Variants in MGMT observed in about 807,000 individuals in gnomAD.
MGMT encodes the protein O-6-methylguanine-DNA methyltransferase.
Under a neutral mutation model 15.9 loss-of-function variants are expected in MGMT, and 14 were observed. That is an observed-to-expected ratio of 0.88 (90% CI 0.58 to 1.37). The LOEUF is 1.37. Among genes scored for constraint, MGMT ranks in the 40% most tolerant of loss-of-function variants. MGMT has a pLI of 0.00. For synonymous variants in MGMT, 130 were observed against 118.2 expected, an observed-to-expected ratio of 1.10 and a Z score of -0.65; for missense variants, 282 against 268.1, an observed-to-expected ratio of 1.05 and a Z score of -0.36.
At chr10:129,539,245 T>G (rs1846017625) in intron 2 of MGMT, among the ~76,000 whole-genome samples, 1 of 152,250 alleles carries the variant, frequency 6.6e-6, no homozygotes, top group Non-Finnish European at 1.5e-5. Context: ...TGTAGTTTTT[T>G]TTATGTTTAG....
chr10:129,533,023 C>T lies in MGMT; in HGVS notation c.-12-3218C>T, dbSNP rs1845949256. On this transcript the variant is annotated intron_variant, in intron 1 of 4. Coordinates refer to ENST00000651593, the MANE Select transcript of MGMT (RefSeq NM_002412.5). The surrounding 1 kb of genome is among the most constrained non-coding windows in gnomAD (Gnocchi z 4.5). ...CAGGGCTGGGCTCCTGCCTGGGACT[C>T]GAATCGGGAGCAGGTCCCACGGAGG... Among the ~76,000 whole-genome samples, 1 of 152,214 alleles carries T rather than the reference C, an allele frequency of 6.6e-6. No homozygotes were observed. Among genetic ancestry groups the T allele is most frequent in the Non-Finnish European group, 1.5e-5 (1 of 68,034 alleles).
In MGMT at chr10:129,767,254, G is replaced by A; in HGVS notation, c.*257G>A. The A allele has an allele frequency of 2.9e-6, 1 of 344,174 alleles. No homozygotes were observed. Among genetic ancestry groups the A allele is most frequent in the Non-Finnish European group, 5.3e-6 (1 of 189,348 alleles). 21.3% of individuals were successfully genotyped at this position (344,174 alleles called of 1,614,324 possible). A position where few individuals can be genotyped will look rare whatever the true frequency, so the allele number is the denominator to read the frequency against. ...CAGGCCAAGTGAGTGTGGAAGGCCT[G>A]GCTCATGTTGGGCCACAGCCCAGGA... On this transcript the variant is annotated 3_prime_UTR_variant, in exon 5 of 5. Transcript: ENST00000651593.
intron 1 of MGMT, among the ~76,000 whole-genome samples, chr10:129,477,182 T>C (rs1287279511): frequency 6.6e-6 from 1 of 152,186 alleles, no homozygotes; most frequent in Non-Finnish European, 1.5e-5. Flanking sequence ...CATGCTCTGC[T>C]GCCCTCTCTC....
chr10:129,557,458 G>T (rs1324063547), intron 2 of MGMT, among the ~76,000 whole-genome samples: 1 of 152,092 alleles, frequency 6.6e-6, no homozygotes, highest in Non-Finnish European at 1.5e-5. Flanking sequence ...TCATTGTGTT[G>T]CTGCATATAT....
chr10:129,620,804 T>C (rs1286318038), intron 2 of MGMT, among the ~76,000 whole-genome samples: 1 of 152,236 alleles, frequency 6.6e-6, no homozygotes, highest in East Asian at 1.9e-4. Context: ...TACTCATCAA[T>C]AGGTATGGGT....
At chr10:129,527,979 C>A (rs865818590) in intron 1 of MGMT, among the ~76,000 whole-genome samples, 1 of 152,074 alleles carries the variant, frequency 6.6e-6, no homozygotes, top group Non-Finnish European at 1.5e-5. Flanking sequence ...AACACTATCC[C>A]TTCTCTCTCA....
chr10:129,735,429 C>A (rs551636693), intron 3 of MGMT, among the ~76,000 whole-genome samples: 3 of 152,008 alleles, frequency 2.0e-5, no homozygotes, highest in Non-Finnish European at 2.9e-5. Flanking sequence ...TTTTTTATTG[C>A]GTCTATTTGA....
At chr10:129,760,991 C>T (rs559355774) in intron 4 of MGMT, among the ~76,000 whole-genome samples, 46 of 152,252 alleles carry the variant, frequency 3.0e-4, no homozygotes, top group African/African-American at 1.0e-3. Context: ...GGGATATTTC[C>T]GAATCAAATT....
intron 3 of MGMT, among the ~76,000 whole-genome samples, chr10:129,724,759 T>G (rs1383905435): frequency 6.6e-6 from 1 of 152,248 alleles, no homozygotes; most frequent in Non-Finnish European, 1.5e-5. Context: ...GGTATAAAGC[T>G]ATTCATTGTA....
chr10:129,528,954 G>A (rs1009508669), intron 1 of MGMT, among the ~76,000 whole-genome samples: 2 of 152,214 alleles, frequency 1.3e-5, no homozygotes, highest in Admixed American at 6.5e-5. Context: ...CAACAAGTAA[G>A]CAAATCACGT....
chr10:129,703,353 G>C (rs563869639), intron 2 of MGMT, among the ~76,000 whole-genome samples: 1 of 152,172 alleles, frequency 6.6e-6, no homozygotes, highest in African/African-American at 2.4e-5. Flanking sequence ...GGACGCCCGC[G>C]TGGGCAGAGG....
At position 129,646,748 on chromosome 10, in the gene MGMT, A is replaced by AT. The variant is rs1229950159; in HGVS notation, c.126-61146dup. On this transcript the variant is annotated intron_variant, in intron 2 of 4. Transcript: ENST00000651593. ...TATATATATATATATATATATATATATATATATTTTCAGGGAATGGTAGAG... is the reference window on the plus strand; with the variant it reads ...TATATATATATATATATATATATATATTATATATTTTCAGGGAATGGTAGAG... Among the ~76,000 whole-genome samples, 31 of 63,640 alleles carry AT rather than the reference A, an allele frequency of 4.9e-4. 1 individual carries two copies. The highest frequency in any genetic ancestry group is 1.0e-3 in the Non-Finnish European group (29 of 28,254). The allele number at this position is 63,640 out of a possible 152,430, so 41.8% of individuals were successfully genotyped here.
At chr10:129,619,722 C>T (rs1250351956) in intron 2 of MGMT, among the ~76,000 whole-genome samples, 1 of 152,048 alleles carries the variant, frequency 6.6e-6, no homozygotes, top group African/African-American at 2.4e-5. Flanking sequence ...TTTGTTTTAT[C>T]TAAGTGGTTG....
chr10:129,708,796 T>C (rs1848197909), intron 3 of MGMT, among the ~76,000 whole-genome samples: 1 of 152,216 alleles, frequency 6.6e-6, no homozygotes, highest in African/African-American at 2.4e-5. Context: ...CACTTATATA[T>C]CCTTAAAGGG....
At chr10:129,577,447 A>G (rs556794826) in intron 2 of MGMT, among the ~76,000 whole-genome samples, 3 of 152,372 alleles carry the variant, frequency 2.0e-5, no homozygotes, top group East Asian at 1.9e-4. Flanking sequence ...AGGATTCCTT[A>G]TTTAATAAAT....
chr10:129,485,672 C>T (rs1845400994), intron 1 of MGMT, among the ~76,000 whole-genome samples: 1 of 152,180 alleles, frequency 6.6e-6, no homozygotes, highest in East Asian at 1.9e-4. Flanking sequence ...AAATCTAAAA[C>T]CTGAAGCACT....
chr10:129,559,090 G>C (rs1846248356), intron 2 of MGMT, among the ~76,000 whole-genome samples: 1 of 152,112 alleles, frequency 6.6e-6, no homozygotes, highest in Non-Finnish European at 1.5e-5. Context: ...TTCTGCGTCG[G>C]AACGTGGTGT....
chr10:129,744,348 G>T (rs959094856), intron 3 of MGMT, among the ~76,000 whole-genome samples: 1 of 152,230 alleles, frequency 6.6e-6, no homozygotes, highest in Non-Finnish European at 1.5e-5. Flanking sequence ...ATGGCATACA[G>T]AGCACGTCCA....
rs1463721478 is a variant in MGMT at position 129,659,811 on chromosome 10, A to T, written c.126-48084A>T. On this transcript the variant is annotated intron_variant, in intron 2 of 4. Transcript: ENST00000651593. This position sits in a 1 kb window ranked among gnomAD's most constrained non-coding sequence, Gnocchi z 4.1. ...TCTAAATTGAACCAAAGTCCTCCTT[A>T]AAGATTGCCTTTGAAATTGAGTAAT... 6.6e-6 allele frequency among the ~76,000 whole-genome samples: 1 copy of T among 152,216 alleles called. No individual in the cohort carries two copies. Among genetic ancestry groups the T allele is most frequent in the Non-Finnish European group, 1.5e-5 (1 of 68,038 alleles).
Sources: allele counts gnomAD v4.1 joint callset (sites outside exome capture counted in the v4.1 genomes callset), GRCh38; gene constraint gnomAD v4.1.1; non-coding constraint Gnocchi (gnomAD v3.1); transcripts MANE v1.5; gene names NCBI Gene and HGNC (gene_info 2026-07-23, HGNC 2026-07-21).